Variants in DAB1 observed in about 807,000 individuals in gnomAD.
The protein encoded by DAB1 is disabled homolog 1.
A neutral mutation model predicts 64.6 loss-of-function variants in DAB1; 15 were observed. That is an observed-to-expected ratio of 0.23 (90% CI 0.16 to 0.36). The LOEUF (loss-of-function observed/expected upper bound fraction) is 0.36, where lower values mean the gene tolerates loss of function less well. Ranked by LOEUF, DAB1 falls within the 10% of genes least tolerant of loss-of-function variation. The pLI is 1.00. For missense variants in DAB1, 596 were observed against 706.7 expected (o/e 0.84, Z 1.78); for synonymous variants, 235 against 251.9 (o/e 0.93, Z 0.64).
chr1:57,521,880 C>G (rs1031862957), intron 7 of DAB1, among the ~76,000 whole-genome samples: 1 of 152,032 alleles, frequency 6.6e-6, no homozygotes, highest in African/African-American at 2.4e-5. Flanking sequence ...GTGGCTGAGG[C>G]GGGCGGATCA....
intron 5 of DAB1, among the ~76,000 whole-genome samples, chr1:58,073,405 C>A (rs1460771301): frequency 6.6e-6 from 1 of 152,182 alleles, no homozygotes; most frequent in East Asian, 1.9e-4. Context: ...TCTCTGGGCT[C>A]ATAGAGCACC....
Position 57,224,083 on chromosome 1 carries a change from C to T in DAB1, c.67+66881G>A, listed in dbSNP as rs552646948. On this transcript the variant is annotated intron_variant, in intron 2 of 14. Transcript: ENST00000371236. ...CTGCTATTGCTAGTTTGTAATTATC[C>T]TCAAGTAGACTAAGAGCTCCTTAAC... Among the ~76,000 whole-genome samples, 145 of 152,226 alleles carry T rather than the reference C, an allele frequency of 9.5e-4. 1 individual carries two copies. Among genetic ancestry groups the T allele is most frequent in the Middle Eastern group, 3.4e-3 (1 of 294 alleles).
chr1:58,228,590 C>T, intron 4 of DAB1: 2 of 526,758 alleles, frequency 3.8e-6, no homozygotes, highest in Non-Finnish European at 6.8e-6. Flanking sequence ...AGCCCTGCAT[C>T]TAGGGCTTTC....
intron 7 of DAB1, among the ~76,000 whole-genome samples, chr1:57,545,850 TG>T (rs1291963943): frequency 1.3e-5 from 2 of 152,190 alleles, no homozygotes; most frequent in African/African-American, 4.8e-5. Context: ...TCAAATACTT[TG>T]TACTTTATGG....
chr1:58,529,514 C>A (rs1646400486), intron 1 of DAB1, among the ~76,000 whole-genome samples: 1 of 152,190 alleles, frequency 6.6e-6, no homozygotes, highest in African/African-American at 2.4e-5. Context: ...AGTTAACAAA[C>A]ACCTAGTAAG....
chr1:57,599,945 G>A (rs1645556774), intron 7 of DAB1, among the ~76,000 whole-genome samples: 1 of 152,168 alleles, frequency 6.6e-6, no homozygotes, highest in Admixed American at 6.5e-5. Context: ...TGCTTTGCCA[G>A]GAGTGTTTGC....
At chr1:57,434,502 G>A (rs949462781) in intron 7 of DAB1, among the ~76,000 whole-genome samples, 4 of 152,242 alleles carry the variant, frequency 2.6e-5, no homozygotes, top group Non-Finnish European at 4.4e-5. Context: ...CTGGAAAGGG[G>A]TAGAAGGAAC....
chr1:57,145,957 A>T (rs1261106702), intron 2 of DAB1, among the ~76,000 whole-genome samples: 1 of 152,222 alleles, frequency 6.6e-6, no homozygotes, highest in Non-Finnish European at 1.5e-5. Context: ...TTATCAAAAA[A>T]TGGTTTTATG....
At position 58,534,467 on chromosome 1, in the gene DAB1, C is replaced by T. The variant is rs956901694; in HGVS notation, n.33-7132G>A. The T allele has an allele frequency of 1.1e-5, 6 of 525,818 alleles. No homozygotes were observed. The African/African-American group carries it at 1.2e-4, about 10-fold the overall frequency. 32.6% of individuals were successfully genotyped at this position (525,818 alleles called of 1,614,324 possible). A position where few individuals can be genotyped will look rare whatever the true frequency, so the allele number is the denominator to read the frequency against. ...TATAAAAATCTGCATATATTAAGCACTGAAATTTCTCAAATCTGAATTATT... is the reference window on the plus strand; with the variant it reads ...TATAAAAATCTGCATATATTAAGCATTGAAATTTCTCAAATCTGAATTATT... On this transcript the variant is annotated intron_variant and non_coding_transcript_variant, in intron 1 of 20. Coordinates refer to the DAB1 transcript ENST00000485760.
intron 4 of DAB1, among the ~76,000 whole-genome samples, chr1:58,267,631 TG>T (rs1187437785): frequency 6.6e-6 from 1 of 152,168 alleles, no homozygotes; most frequent in Non-Finnish European, 1.5e-5. Context: ...CTAAATCTCC[TG>T]GGATGGGGAA....
chr1:58,247,206 T>C (rs1481694627), intron 4 of DAB1, among the ~76,000 whole-genome samples: 1 of 151,712 alleles, frequency 6.6e-6, no homozygotes, highest in African/African-American at 2.4e-5. Flanking sequence ...CATTTTGTCA[T>C]CACTGCTACT....
intron 1 of DAB1, among the ~76,000 whole-genome samples, chr1:57,422,205 C>G (rs1684967532): frequency 6.6e-6 from 1 of 152,166 alleles, no homozygotes. Context: ...TGTAGTGGAA[C>G]CCCCACACAG....
intron 7 of DAB1, among the ~76,000 whole-genome samples, chr1:57,616,384 T>A (rs1318647718): frequency 6.7e-6 from 1 of 148,726 alleles, no homozygotes; most frequent in Non-Finnish European, 1.5e-5. Flanking sequence ...ATGTATTCGT[T>A]TCCTGCATAT....
intron 7 of DAB1, among the ~76,000 whole-genome samples, chr1:57,439,199 C>T (rs1310682579): frequency 6.6e-6 from 1 of 151,972 alleles, no homozygotes; most frequent in Non-Finnish European, 1.5e-5. Context: ...AGCTTAGTCT[C>T]CTAAAGGAAA....
chr1:57,633,451 G>A (rs17430851), intron 7 of DAB1, among the ~76,000 whole-genome samples: 37,087 of 152,178 alleles, frequency 0.24, 4,873 homozygotes, highest in Admixed American at 0.34. Flanking sequence ...CCAATGTGTG[G>A]TGGGCAAGTG....
At chr1:58,040,941 C>G (rs1445064854) in intron 5 of DAB1, among the ~76,000 whole-genome samples, 1 of 152,192 alleles carries the variant, frequency 6.6e-6, no homozygotes, top group Admixed American at 6.5e-5. Flanking sequence ...GGGATTGGCT[C>G]TTGCTGAACT....
intron 2 of DAB1, among the ~76,000 whole-genome samples, chr1:57,177,410 C>T (rs954709603): frequency 6.6e-6 from 1 of 152,070 alleles, no homozygotes; most frequent in African/African-American, 2.4e-5. Flanking sequence ...ATTTTCCAGG[C>T]TCCAACCTGA....
chr1:57,396,608 A>G (rs901577762), intron 1 of DAB1, among the ~76,000 whole-genome samples: 6 of 152,232 alleles, frequency 3.9e-5, no homozygotes, highest in Admixed American at 6.5e-5. Flanking sequence ...GAGGTTAAGA[A>G]TATGAGTTTT....
intron 5 of DAB1, among the ~76,000 whole-genome samples, chr1:57,957,261 G>A (rs957933889): frequency 6.6e-6 from 1 of 152,332 alleles, no homozygotes; most frequent in East Asian, 1.9e-4. Context: ...CACATCCTCA[G>A]TATTTTTGTA....
Sources: gnomAD v4.1 joint callset for allele counts (sites outside exome capture counted in the v4.1 genomes callset) on GRCh38, gnomAD v4.1.1 for gene constraint, MANE v1.5 for transcripts, NCBI Gene and HGNC (gene_info 2026-07-23, HGNC 2026-07-21) for gene names.